Variants in CEP128 observed in about 807,000 individuals in gnomAD.
CEP128 encodes centrosomal protein 128kDa.
Under a neutral mutation model 156.7 loss-of-function variants are expected in CEP128, and 132 were observed. That is an observed-to-expected ratio of 0.84 (90% confidence interval 0.73 to 0.97). The LOEUF (loss-of-function observed/expected upper bound fraction) is 0.97, where lower values mean the gene tolerates loss of function less well. CEP128 is among the 50% of genes least tolerant of loss of function. The probability of loss-of-function intolerance (pLI) is 0.00; values close to 1 mark genes in which losing one functional copy is unlikely to be tolerated. For missense variants in CEP128, 1,252 were observed against 1,281.9 expected (o/e 0.98, Z 0.36); for synonymous variants, 469 against 448.9 (o/e 1.04, Z -0.57).
intron 14 of CEP128, among the ~76,000 whole-genome samples, chr14:80,787,142 G>A (rs886971655): frequency 6.6e-6 from 1 of 152,276 alleles, no homozygotes; most frequent in Non-Finnish European, 1.5e-5. Context: ...CCAATAGGTT[G>A]AAAGGCCAAG....
At chr14:80,647,669 G>T (rs921752411) in intron 19 of CEP128, among the ~76,000 whole-genome samples, 5 of 152,088 alleles carry the variant, frequency 3.3e-5, no homozygotes, top group Non-Finnish European at 7.4e-5. Context: ...CTGGGGAGGG[G>T]AGGTCGTCTG....
intron 19 of CEP128, among the ~76,000 whole-genome samples, chr14:80,627,726 T>G (rs1893789307): frequency 7.3e-6 from 1 of 137,558 alleles, no homozygotes; most frequent in African/African-American, 2.6e-5. Flanking sequence ...TTATTTTTAA[T>G]TAATTATTAT....
At chr14:80,807,641 C>A (rs1007872405) in intron 13 of CEP128, among the ~76,000 whole-genome samples, 1 of 152,226 alleles carries the variant, frequency 6.6e-6, no homozygotes, top group Non-Finnish European at 1.5e-5. Context: ...ATCTGAAACA[C>A]TGGAGAGCTC....
intron 20 of CEP128, among the ~76,000 whole-genome samples, chr14:80,567,964 C>T (rs1000008020): frequency 7.2e-5 from 11 of 151,932 alleles, no homozygotes; most frequent in South Asian, 4.2e-4. Flanking sequence ...AAAAAGTACA[C>T]GACACCAGTC....
intron 19 of CEP128, among the ~76,000 whole-genome samples, chr14:80,641,275 T>C (rs1276039877): frequency 6.6e-6 from 1 of 152,218 alleles, no homozygotes; most frequent in African/African-American, 2.4e-5. Flanking sequence ...ACTGCCCATG[T>C]ATATCCCTGC....
At chr14:80,721,864 A>G (rs541867651) in intron 19 of CEP128, among the ~76,000 whole-genome samples, 2 of 152,218 alleles carry the variant, frequency 1.3e-5, no homozygotes, top group South Asian at 4.1e-4. Context: ...ATAAGCATAA[A>G]TAATTAGGCA....
exon 15 of CEP128, chr14:80,477,821 C>T (rs1337557284): frequency 6.6e-6 from 1 of 152,206 alleles, no homozygotes; most frequent in Non-Finnish European, 1.5e-5. Context: ...TGAGAGAACT[C>T]TGCCCCTGAA....
intron 19 of CEP128, among the ~76,000 whole-genome samples, chr14:80,628,824 T>C (rs1473607331): frequency 8.2e-5 from 11 of 134,426 alleles, no homozygotes; most frequent in African/African-American, 3.5e-4. Context: ...TGTGAGCCTA[T>C]AGCTCACATA....
rs553734989 is a variant in CEP128, at chr14:80,949,233, G to T, written c.-172+8945C>A. On this transcript the variant is annotated intron_variant, in intron 2 of 7. Coordinates refer to the CEP128 transcript ENST00000555529. ...ATTGCCACAACTTACTGCCTTGAGA[G>T]AGTTTCCAAGTCATGGTGCAAGGAG... 2.6e-5 allele frequency among the ~76,000 whole-genome samples: 4 copies of T among 152,286 alleles called. 1 individual carries two copies. The South Asian group carries it at 8.3e-4, about 32-fold the overall frequency.
intron 19 of CEP128, among the ~76,000 whole-genome samples, chr14:80,717,508 T>C (rs529470625): frequency 6.6e-6 from 1 of 152,182 alleles, no homozygotes; most frequent in South Asian, 2.1e-4. Context: ...TCCATGAGCA[T>C]CAGAAGGGGT....
At chr14:80,846,517 A>C (rs1243186258) in intron 9 of CEP128, among the ~76,000 whole-genome samples, 5 of 152,172 alleles carry the variant, frequency 3.3e-5, no homozygotes, top group Non-Finnish European at 7.4e-5. Flanking sequence ...GGAAGCTATA[A>C]GCAAATTGAT....
chr14:80,653,508 T>A (rs772280777), intron 19 of CEP128, among the ~76,000 whole-genome samples: 6 of 152,070 alleles, frequency 3.9e-5, no homozygotes, highest in Non-Finnish European at 7.4e-5. Flanking sequence ...CTAAACAGAT[T>A]TTCTATACAG....
At chr14:80,890,228 A>C (rs916349699) in intron 8 of CEP128, among the ~76,000 whole-genome samples, 2 of 152,212 alleles carry the variant, frequency 1.3e-5, no homozygotes, top group Non-Finnish European at 2.9e-5. Flanking sequence ...CAATTCCTCA[A>C]GGATCTAGAA....
At chr14:80,629,108 T>C (rs1478277821) in intron 19 of CEP128, among the ~76,000 whole-genome samples, 1 of 150,520 alleles carries the variant, frequency 6.6e-6, no homozygotes, top group Admixed American at 6.6e-5. Flanking sequence ...TTCAGGCCAA[T>C]ACAATAGTTT....
Position 80,497,496 on chromosome 14 carries a change from C to CTTTTTTT in CEP128, c.3267_3268insAAAAAAA (p.Glu1090LysfsTer13), listed in dbSNP as rs1223922468. 1.7e-5 allele frequency: 27 copies of CTTTTTTT among 1,610,832 alleles called. No individual in the cohort carries two copies. The highest frequency in any genetic ancestry group is 2.0e-5 in the Non-Finnish European group (24 of 1,177,794). ...TTGCTTTTTTAGCTCCCATATTCCT[C>CTTTTTTT]TTTTTTGGGTTGTGAACTTGTTCCA... is the stretch of plus-strand genomic sequence containing the variant. On this transcript the variant is annotated frameshift_variant, in exon 25 of 25. Coordinates refer to ENST00000555265, the MANE Select transcript of CEP128 (RefSeq NM_152446.5). LOFTEE classifies it high-confidence loss of function.
chr14:80,761,205 T>C (rs1014209523), intron 17 of CEP128, among the ~76,000 whole-genome samples: 1 of 151,412 alleles, frequency 6.6e-6, no homozygotes, highest in Non-Finnish European at 1.5e-5. Flanking sequence ...ATTTTTCTTT[T>C]TTTTTTTTTT....
chr14:80,734,906 A>G (rs897801446), intron 19 of CEP128, among the ~76,000 whole-genome samples: 3 of 151,610 alleles, frequency 2.0e-5, no homozygotes, highest in Non-Finnish European at 4.4e-5. Context: ...TCATTACATT[A>G]CATTCAAGAG....
chr14:80,934,336 CTTAAAA>C (rs1370780449), intron 2 of CEP128, among the ~76,000 whole-genome samples: 1 of 152,122 alleles, frequency 6.6e-6, no homozygotes. Flanking sequence ...TTGAGCAGAC[CTTAAAA>C]TTAAAGGTCA....
At chr14:80,627,521 G>A (rs1426340022) in intron 19 of CEP128, among the ~76,000 whole-genome samples, 1 of 152,048 alleles carries the variant, frequency 6.6e-6, no homozygotes, top group African/African-American at 2.4e-5. Context: ...ATTAACATTT[G>A]GTGGCTAATT....
Sources: gnomAD v4.1 joint callset for allele counts (sites outside exome capture counted in the v4.1 genomes callset) on GRCh38, gnomAD v4.1.1 for gene constraint, MANE v1.5 for transcripts, NCBI Gene and HGNC (gene_info 2026-07-23, HGNC 2026-07-21) for gene names.